Variants in ZFPM2 observed in about 807,000 individuals in gnomAD.
ZFPM2 encodes zinc finger protein ZFPM2.
A neutral mutation model predicts 98.6 loss-of-function variants in ZFPM2; 20 were observed. The observed-to-expected ratio is 0.20, with a 90% CI of 0.14 to 0.29. The LOEUF (loss-of-function observed/expected upper bound fraction) is 0.29. Ranked by LOEUF, ZFPM2 falls within the 10% of genes least tolerant of loss-of-function variation. The pLI is 1.00. For missense variants in ZFPM2, 1,310 were observed against 1,388.6 expected, an observed-to-expected ratio of 0.94 and a Z score of 0.90; for synonymous variants, 518 against 502.7, an observed-to-expected ratio of 1.03 and a Z score of -0.41.
chr8:105,477,056 T>G (rs1813026352), intron 3 of ZFPM2, among the ~76,000 whole-genome samples: 1 of 152,100 alleles, frequency 6.6e-6, no homozygotes, highest in Non-Finnish European at 1.5e-5. Context: ...AAGGAAATGT[T>G]TATAGTAATA....
At chr8:105,519,397 G>A (rs972963294) in intron 3 of ZFPM2, among the ~76,000 whole-genome samples, 22 of 151,932 alleles carry the variant, frequency 1.4e-4, no homozygotes, top group African/African-American at 5.3e-4. Flanking sequence ...TTGAGTTAAA[G>A]ATATAATTTT....
intron 3 of ZFPM2, among the ~76,000 whole-genome samples, chr8:105,460,911 C>T (rs1202585329): frequency 2.6e-5 from 4 of 151,788 alleles, no homozygotes; most frequent in African/African-American, 9.7e-5. Context: ...TTAAAAAGCA[C>T]TCAACTACAT....
intron 5 of ZFPM2, among the ~76,000 whole-genome samples, chr8:105,654,228 A>AG (rs1198001933): frequency 2.6e-5 from 4 of 152,046 alleles, no homozygotes; most frequent in Non-Finnish European, 5.9e-5. Context: ...AAAAAAAAAA[A>AG]CAAATTTGCT....
chr8:105,530,509 G>T (rs1205057918), intron 3 of ZFPM2, among the ~76,000 whole-genome samples: 2 of 152,140 alleles, frequency 1.3e-5, no homozygotes, highest in African/African-American at 4.8e-5. Context: ...CTGGTGAGGG[G>T]TTTCTTCCTG....
At chr8:105,541,907 A>C (rs570808016) in intron 3 of ZFPM2, among the ~76,000 whole-genome samples, 1 of 152,270 alleles carries the variant, frequency 6.6e-6, no homozygotes, top group East Asian at 1.9e-4. Flanking sequence ...ATTTTGAAGA[A>C]ATTGCTAATT....
chr8:105,458,513 AC>A (rs1315359782), intron 3 of ZFPM2, among the ~76,000 whole-genome samples: 1 of 152,206 alleles, frequency 6.6e-6, no homozygotes, highest in Non-Finnish European at 1.5e-5. Flanking sequence ...AATAATATAA[AC>A]TAAAATGAAA....
chr8:105,472,153 TAGTC>T (rs767236393), intron 3 of ZFPM2, among the ~76,000 whole-genome samples: 1 of 152,192 alleles, frequency 6.6e-6, no homozygotes, highest in Non-Finnish European at 1.5e-5. Context: ...AAGTAGATCT[TAGTC>T]AGTACACCAA....
intron 5 of ZFPM2, among the ~76,000 whole-genome samples, chr8:105,742,055 T>G (rs1412141495): frequency 6.6e-6 from 1 of 151,884 alleles, no homozygotes; most frequent in African/African-American, 2.4e-5. Context: ...TGTTGGAAAC[T>G]GGGTGTGGTG....
intron 1 of ZFPM2, chr8:105,415,012 G>A (rs934112895): frequency 2.0e-5 from 3 of 151,656 alleles, no homozygotes; most frequent in African/African-American, 7.3e-5. Context: ...GTCAGGTGTG[G>A]TGAATCTACA....
chr8:105,383,383 C>T (rs1459444752), intron 1 of ZFPM2, among the ~76,000 whole-genome samples: 2 of 152,098 alleles, frequency 1.3e-5, no homozygotes, highest in Non-Finnish European at 2.9e-5. Flanking sequence ...GAGTTACAGT[C>T]AAAAATTGGT....
chr8:105,500,308 G>A (rs766221610), intron 3 of ZFPM2, among the ~76,000 whole-genome samples: 8 of 151,884 alleles, frequency 5.3e-5, no homozygotes, highest in Non-Finnish European at 1.0e-4. Context: ...TTTTTTAAAC[G>A]TAAGATAAGG....
chr8:105,661,511 C>T, intron 5 of ZFPM2, among the ~76,000 whole-genome samples: 1 of 152,122 alleles, frequency 6.6e-6, no homozygotes, highest in East Asian at 1.9e-4. Flanking sequence ...GTAAAATTTA[C>T]CTGCCGAAAA....
At chr8:105,419,396 C>T in intron 2 of ZFPM2, 94 bp downstream of exon 2, 3 of 1,416,166 alleles carry the variant, frequency 2.1e-6, no homozygotes, top group South Asian at 2.8e-5. Flanking sequence ...AGTGCTGACA[C>T]ATAATTCAGC....
chr8:105,717,322 G>A (rs1014240044), intron 5 of ZFPM2, among the ~76,000 whole-genome samples: 29 of 152,050 alleles, frequency 1.9e-4, no homozygotes, highest in Non-Finnish European at 1.3e-4. Context: ...CTCTTTGTAA[G>A]ATTTTCCTCA....
At chr8:105,491,600 C>T (rs1277697060) in intron 3 of ZFPM2, among the ~76,000 whole-genome samples, 3 of 152,100 alleles carry the variant, frequency 2.0e-5, no homozygotes, top group African/African-American at 7.2e-5. Context: ...ATAATAACAA[C>T]AAACTTCAGA....
rs1563630766 is a variant in ZFPM2, at chr8:105,380,635, TATATATATA to T, written c.41-38508_41-38500del. On this transcript the variant is annotated intron_variant, in intron 1 of 7. Transcript: ENST00000407775. The stretch of plus-strand genomic sequence containing the variant: ...TATATATTATATATAACATATATAT[TATATATATA>T]TTATATATATATATTATATATAACA... Among the ~76,000 whole-genome samples, 15 of 14,720 alleles carry T rather than the reference TATATATATA, an allele frequency of 1.0e-3. 2 individuals carry two copies. The highest frequency in any genetic ancestry group is 1.5e-4 in the Non-Finnish European group (1 of 6,758). 9.7% of individuals were successfully genotyped at this position (14,720 alleles called of 152,430 possible).
In ZFPM2 at chr8:105,517,707, CCACACA is replaced by C. The variant is rs1554613621; in HGVS notation, c.302-43626_302-43621del. On this transcript the variant is annotated intron_variant, in intron 3 of 7. Coordinates refer to ENST00000407775, the MANE Select transcript of ZFPM2 (RefSeq NM_012082.4). ...CACACACACACCACACACACACACA[CCACACA>C]CACACACACACACACACACACACAC... Among the ~76,000 whole-genome samples the C allele has an allele frequency of 2.1e-3, 262 of 124,974 alleles. 1 individual carries two copies. Among genetic ancestry groups the C allele is most frequent in the South Asian group, 0.017 (58 of 3,384 alleles). 82.0% of individuals were successfully genotyped at this position (124,974 alleles called of 152,430 possible). A position where few individuals can be genotyped will look rare whatever the true frequency, so the allele number is the denominator to read the frequency against.
At chr8:105,532,494 A>C (rs112808192) in intron 3 of ZFPM2, among the ~76,000 whole-genome samples, 1 of 152,188 alleles carries the variant, frequency 6.6e-6, no homozygotes, top group Non-Finnish European at 1.5e-5. Flanking sequence ...CAGCCATAAG[A>C]CATGATTCTT....
intron 5 of ZFPM2, among the ~76,000 whole-genome samples, chr8:105,691,810 T>A (rs150350653): frequency 8.7e-4 from 133 of 152,330 alleles, no homozygotes; most frequent in African/African-American, 3.0e-3. Flanking sequence ...ACATGATAGG[T>A]CTAGAGTGAT....
Sources: gnomAD v4.1 joint callset for allele counts (sites outside exome capture counted in the v4.1 genomes callset) on GRCh38, gnomAD v4.1.1 for gene constraint, MANE v1.5 for transcripts, NCBI Gene and HGNC (gene_info 2026-07-23, HGNC 2026-07-21) for gene names.